Variants in USH2A observed in about 807,000 individuals in gnomAD.
USH2A encodes usherin, also known as Usher syndrome 2A (autosomal recessive, mild).
Under a neutral mutation model 538.9 loss-of-function variants are expected in USH2A, and 443 were observed. The ratio of observed to expected loss-of-function variants is 0.82; its 90% CI spans 0.76 to 0.89. USH2A has a LOEUF of 0.89. Among genes scored for constraint, USH2A ranks in the 40% least tolerant of loss-of-function variants. The pLI is 0.00. For synonymous variants in USH2A, 2,413 were observed against 2,273.5 expected, an observed-to-expected ratio of 1.06 and a Z score of -1.75; for missense variants, 6,633 against 6,324.8, an observed-to-expected ratio of 1.05 and a Z score of -1.65.
At chr1:215,885,045 G>C (rs151286547) in intron 41 of USH2A, among the ~76,000 whole-genome samples, 67 of 151,764 alleles carry the variant, frequency 4.4e-4, no homozygotes, top group African/African-American at 1.5e-3. Flanking sequence ...GTGCATCATA[G>C]TCATGCAACT....
At chr1:216,328,560 T>G (rs987263130) in intron 4 of USH2A, among the ~76,000 whole-genome samples, 1 of 152,084 alleles carries the variant, frequency 6.6e-6, no homozygotes, top group Non-Finnish European at 1.5e-5. Context: ...ATTTTCCCAA[T>G]GTGTTTTTTC....
chr1:216,372,652 T>G (rs2038735923), intron 3 of USH2A, among the ~76,000 whole-genome samples: 1 of 151,996 alleles, frequency 6.6e-6, no homozygotes, highest in African/African-American at 2.4e-5. Context: ...CTCTTCTCTC[T>G]ACTGCCAAAA....
chr1:215,641,423 T>C (rs1346395755), intron 67 of USH2A, among the ~76,000 whole-genome samples: 1 of 152,212 alleles, frequency 6.6e-6, no homozygotes, highest in Non-Finnish European at 1.5e-5. Flanking sequence ...AAGTATTATA[T>C]CACATATAGA....
intron 3 of USH2A, among the ~76,000 whole-genome samples, 197 bp from the exon 4 acceptor site, chr1:216,365,282 T>C (rs190048704): frequency 3.3e-5 from 5 of 152,282 alleles, no homozygotes; most frequent in African/African-American, 1.2e-4. Flanking sequence ...TGTCATTTTG[T>C]GCTGTGATGA....
At chr1:216,112,701 T>C (rs1161570534) in intron 21 of USH2A, among the ~76,000 whole-genome samples, 1 of 152,122 alleles carries the variant, frequency 6.6e-6, no homozygotes, top group East Asian at 1.9e-4. Context: ...TAAGTGAGAA[T>C]GTGCAGTATT....
intron 3 of USH2A, among the ~76,000 whole-genome samples, chr1:216,383,888 A>T: frequency 7.3e-6 from 1 of 136,224 alleles, no homozygotes. Flanking sequence ...TTTTGTAGAG[A>T]TGACGTCTTG....
At chr1:216,287,032 T>A (rs576132413) in intron 11 of USH2A, among the ~76,000 whole-genome samples, 43 of 152,304 alleles carry the variant, frequency 2.8e-4, no homozygotes, top group African/African-American at 9.4e-4. Context: ...AATACAGATG[T>A]AAAATCCTTA....
In USH2A at chr1:216,043,186, A is replaced by G. The variant is rs535182440; in HGVS notation, c.6325+3245T>C. On this transcript the variant is annotated intron_variant, in intron 32 of 71. Transcript: ENST00000307340. ...AAGCAGAGGATTTGGGGCCAGACAG[A>G]TCTACATTTGAATTAGTTCCTCTGA... 2.0e-5 allele frequency among the ~76,000 whole-genome samples: 3 copies of G among 152,220 alleles called. No individual in the cohort carries two copies. The East Asian group carries it at 5.8e-4, about 29-fold the overall frequency.
chr1:216,052,926 T>C (rs2030842792), intron 30 of USH2A, among the ~76,000 whole-genome samples: 4 of 152,236 alleles, frequency 2.6e-5, no homozygotes, highest in South Asian at 4.1e-4. Context: ...ATGGCTTTGC[T>C]TTAAGTGTCA....
chr1:216,416,307 C>A (rs555586356), intron 3 of USH2A, among the ~76,000 whole-genome samples: 2 of 152,138 alleles, frequency 1.3e-5, no homozygotes, highest in African/African-American at 4.8e-5. Flanking sequence ...TTGAATAAAT[C>A]CAGATTCCCA....
intron 58 of USH2A, among the ~76,000 whole-genome samples, chr1:215,750,391 T>C (rs1393240387): frequency 1.3e-5 from 2 of 152,158 alleles, no homozygotes; most frequent in African/African-American, 4.8e-5. Flanking sequence ...TTGTAACTTT[T>C]AGGGTGTCCA....
At chr1:216,230,617 C>A (rs1316314039) in intron 14 of USH2A, among the ~76,000 whole-genome samples, 3 of 151,954 alleles carry the variant, frequency 2.0e-5, no homozygotes, top group Non-Finnish European at 4.4e-5. Context: ...ACCTGTCCAC[C>A]CTCTAATGGA....
intron 37 of USH2A, among the ~76,000 whole-genome samples, chr1:215,942,510 G>T (rs1438265772): frequency 6.6e-6 from 1 of 152,150 alleles, no homozygotes; most frequent in African/African-American, 2.4e-5. Flanking sequence ...GCTAGAAAGA[G>T]ATTTTGGACA....
At chr1:216,219,571 A>T (rs2035415484) in intron 14 of USH2A, among the ~76,000 whole-genome samples, 1 of 152,148 alleles carries the variant, frequency 6.6e-6, no homozygotes, top group African/African-American at 2.4e-5. Context: ...AAACAAAATT[A>T]TACATAATAA....
intron 61 of USH2A, among the ~76,000 whole-genome samples, chr1:215,714,161 G>A (rs1659416608): frequency 6.6e-6 from 1 of 152,148 alleles, no homozygotes; most frequent in African/African-American, 2.4e-5. Context: ...TTCCTTTTAG[G>A]TGAAATAAGA....
At chr1:215,796,236 T>A (rs1404985687) in intron 50 of USH2A, among the ~76,000 whole-genome samples, 1 of 152,012 alleles carries the variant, frequency 6.6e-6, no homozygotes, top group Non-Finnish European at 1.5e-5. Context: ...GTTATTGTGC[T>A]TTGATTTACT....
intron 37 of USH2A, among the ~76,000 whole-genome samples, chr1:215,949,484 C>A (rs1176518954): frequency 1.3e-5 from 2 of 151,640 alleles, no homozygotes; most frequent in Non-Finnish European, 2.9e-5. Context: ...TGAATAATAA[C>A]CTGAAGGGAG....
chr1:215,799,299 A>G (rs1662245255), intron 49 of USH2A, among the ~76,000 whole-genome samples, 174 bp from the exon 50 acceptor site: 1 of 152,254 alleles, frequency 6.6e-6, no homozygotes, highest in Non-Finnish European at 1.5e-5. Context: ...GTTTTTGTGT[A>G]TAAACGTGTG....
chr1:216,073,209 C>T lies in USH2A; in HGVS notation c.5664G>A (p.Leu1888=), dbSNP rs2102549080. ...SVSSGAVRVN[L]DGCLSTDSAV... is the part of the protein sequence containing the mutation. ...CACTGTCAGTTGATAGGCATCCATC[C>T]AGATTGACTCTGACAGCACCGCTGG... is the stretch of plus-strand genomic sequence containing the variant. Residue 1888 remains leucine (L), a synonymous_variant, in exon 28 of 72, where the codon CTG becomes CTA. Transcript: ENST00000307340. The T allele has an allele frequency of 6.2e-7, 1 of 1,613,838 alleles. No individual in the cohort carries two copies. The highest frequency in any genetic ancestry group is 2.2e-5 in the East Asian group (1 of 44,836).
Sources: allele counts gnomAD v4.1 joint callset (sites outside exome capture counted in the v4.1 genomes callset), GRCh38; gene constraint gnomAD v4.1.1; transcripts MANE v1.5; gene names NCBI Gene and HGNC (gene_info 2026-07-23, HGNC 2026-07-21).